Variants in NKX2-1 observed in about 807,000 individuals in gnomAD.
NKX2-1 encodes homeobox protein Nkx-2.1.
A neutral mutation model predicts 35.1 loss-of-function variants in NKX2-1; 9 were observed. The observed-to-expected ratio is 0.26, with a 90% CI of 0.15 to 0.45. The LOEUF (loss-of-function observed/expected upper bound fraction) is 0.45, where lower values mean the gene tolerates loss of function less well. Ranked by LOEUF, NKX2-1 falls within the 20% of genes least tolerant of loss-of-function variation. NKX2-1 has a pLI of 1.00. For missense variants in NKX2-1, 509 were observed against 589.1 expected (o/e 0.86, Z 1.41); for synonymous variants, 284 against 269.9 (o/e 1.05, Z -0.51).
At position 36,517,596 on chromosome 14, in the gene NKX2-1, G is replaced by A. The variant is rs1306284339; in HGVS notation, c.888C>T (p.Asp296=). The A allele has an allele frequency of 1.3e-6, 2 of 1,525,708 alleles. No homozygotes were observed. The highest frequency in any genetic ancestry group is 2.0e-5 in the Admixed American group (1 of 49,532). 94.5% of individuals were successfully genotyped at this position (1,525,708 alleles called of 1,614,324 possible). A position where few individuals can be genotyped will look rare whatever the true frequency, so the allele number is the denominator to read the frequency against. Residue 296 remains aspartate, a synonymous_variant, in exon 3 of 3, where the codon GAC becomes GAT. Coordinates refer to ENST00000354822, the MANE Select transcript of NKX2-1 (RefSeq NM_001079668.3). ...RRVAVPVLVK[D]GKPCQAGAPA... Reference sequence around the variant, plus strand: ...GGGCACCCGCCTGGCACGGTTTGCCGTCTTTCACCAGGACCGGCACCGCCA... The same window carrying A: ...GGGCACCCGCCTGGCACGGTTTGCCATCTTTCACCAGGACCGGCACCGCCA...
intron 2 of NKX2-1, 103 bp downstream of exon 2, chr14:36,518,882 C>G: frequency 1.5e-6 from 2 of 1,362,892 alleles, no homozygotes; most frequent in Non-Finnish European, 1.9e-6. Flanking sequence ...GCCGCCCTCC[C>G]TGATGCCCAG....
chr14:36,518,171 G>A, intron 2 of NKX2-1, 151 bp from the exon 3 acceptor site: 1 of 1,134,968 alleles, frequency 8.8e-7, no homozygotes, highest in Non-Finnish European at 1.2e-6. Context: ...GCCCATCCGC[G>A]GGGAACTGCC....
intron 1 of NKX2-1, 42 bp from the exon 2 acceptor site, chr14:36,519,412 G>A (rs1255693919): frequency 1.2e-6 from 2 of 1,610,744 alleles, no homozygotes; most frequent in Non-Finnish European, 8.5e-7. Context: ...GGGAGAGGGG[G>A]AAGGCGAAGC....
chr14:36,516,455 C>T lies in NKX2-1; in HGVS notation c.*823G>A. ...TAATTTATTAGAAGCTTCTTAGGAA[C>T]TATATTTAAGCCAAATATCTACATA... On this transcript the variant is annotated 3_prime_UTR_variant, in exon 3 of 3. Coordinates refer to ENST00000354822, the MANE Select transcript of NKX2-1 (RefSeq NM_001079668.3). 4.3e-6 allele frequency: 1 copy of T among 229,994 alleles called. No homozygotes were observed. Among genetic ancestry groups the T allele is most frequent in the Non-Finnish European group, 8.6e-6 (1 of 116,042 alleles). The allele number at this position is 229,994 out of a possible 1,614,324, so 14.2% of individuals were successfully genotyped here.
At position 36,516,434 on chromosome 14, in the gene NKX2-1, T is replaced by G. The variant is rs2071343110; in HGVS notation, c.*844A>C. On this transcript the variant is annotated 3_prime_UTR_variant, in exon 3 of 3. Coordinates refer to ENST00000354822, the MANE Select transcript of NKX2-1 (RefSeq NM_001079668.3). ...AAAGAATCTTTTTAATTTGTATAAT[T>G]TATTAGAAGCTTCTTAGGAACTATA... is the stretch of plus-strand genomic sequence containing the variant. 1 of 226,670 alleles carries G rather than the reference T, an allele frequency of 4.4e-6. No individual in the cohort carries two copies. Among genetic ancestry groups the G allele is most frequent in the Non-Finnish European group, 8.8e-6 (1 of 113,960 alleles). The allele number at this position is 226,670 out of a possible 1,614,324, so 14.0% of individuals were successfully genotyped here. A position where few individuals can be genotyped will look rare whatever the true frequency, so the allele number is the denominator to read the frequency against.
chr14:36,519,174 C>T lies in NKX2-1; in HGVS notation c.274G>A (p.Gly92Ser), dbSNP rs2139412166. 2 of 1,604,154 alleles carry T rather than the reference C, an allele frequency of 1.2e-6. No homozygotes were observed. Among genetic ancestry groups the T allele is most frequent in the Non-Finnish European group, 1.7e-6 (2 of 1,175,988 alleles). Residue 92 changes from glycine to serine, a missense_variant, in exon 2 of 3, where the codon GGC becomes AGC. Gly to Ser is a moderately conservative substitution (Grantham distance 56). Around this residue, in one of 5 missense-constraint regions of NKX2-1, gnomAD observed 271 missense variants for 284.1 expected, o/e 0.95. Coordinates refer to ENST00000354822, the MANE Select transcript of NKX2-1 (RefSeq NM_001079668.3). ...AMQQHAVGHH[G>S]AVTAAYHMTA... ...ATGTGGTAGGCGGCGGTGACGGCGC[C>T]GTGGTGCCCCACGGCGTGCTGCTGC...
At chr14:36,519,839 G>A (rs1881265264) in intron 1 of NKX2-1, 3 of 1,304,230 alleles carry the variant, frequency 2.3e-6, no homozygotes, top group South Asian at 1.5e-5. Context: ...TGGAGGGGAG[G>A]GGAAGGAGGA....
chr14:36,517,333 C>A lies in NKX2-1; in HGVS notation c.1151G>T (p.Gly384Val), dbSNP rs1230475526. 1 of 1,611,970 alleles carries A rather than the reference C, an allele frequency of 6.2e-7. No individual in the cohort carries two copies. The highest frequency in any genetic ancestry group is 8.5e-7 in the Non-Finnish European group (1 of 1,179,692). The stretch of plus-strand genomic sequence containing the variant: ...GCAGGACATGGTGCCGTAGTCCGAG[C>A]CCGAGGAGTTCAGGTGGGACAGGCT... ...VSSLSHLNSSGSDYGTMSCST... is the reference protein window; with the variant it reads ...VSSLSHLNSSVSDYGTMSCST... Residue 384 changes from glycine (G) to valine (V), a missense_variant, in exon 3 of 3, where the codon GGC (glycine) becomes GTC (valine). By Grantham distance (109) the Gly-to-Val change is moderately radical. Coordinates refer to ENST00000354822, the MANE Select transcript of NKX2-1 (RefSeq NM_001079668.3).
chr14:36,519,625 G>A, intron 1 of NKX2-1: 2 of 1,530,942 alleles, frequency 1.3e-6, no homozygotes, highest in South Asian at 1.2e-5. Flanking sequence ...AAAGCAACAA[G>A]ACAATAGAAG....
Position 36,517,143 on chromosome 14 carries a change from G to A in NKX2-1, c.*135C>T. 1 of 1,407,928 alleles carries A rather than the reference G, an allele frequency of 7.1e-7. No individual in the cohort carries two copies. Among genetic ancestry groups the A allele is most frequent in the Non-Finnish European group, 9.3e-7 (1 of 1,072,764 alleles). The allele number at this position is 1,407,928 out of a possible 1,614,324, so 87.2% of individuals were successfully genotyped here. On this transcript the variant is annotated 3_prime_UTR_variant, in exon 3 of 3. Coordinates refer to ENST00000354822, the MANE Select transcript of NKX2-1 (RefSeq NM_001079668.3). ...GCAGTTTGGCCTTTGTGGTTTTTTTGTTCCTTGGTCTAAACGCGGCCAGGT... is the reference window on the plus strand; with the variant it reads ...GCAGTTTGGCCTTTGTGGTTTTTTTATTCCTTGGTCTAAACGCGGCCAGGT...
rs753555178 is a variant in NKX2-1 at position 36,518,966 on chromosome 14, G to A, written c.463+19C>T. On this transcript the variant is annotated intron_variant, in intron 2 of 2. Coordinates refer to ENST00000354822, the MANE Select transcript of NKX2-1 (RefSeq NM_001079668.3). The stretch of plus-strand genomic sequence containing the variant: ...CCTGAGCTCAGCCCGCGGCCCCGCA[G>A]TGGGGCGGCCTCACTTACTGGCGGG... 1.9e-6 allele frequency: 3 copies of A among 1,556,988 alleles called. No homozygotes were observed. The highest frequency in any genetic ancestry group is 2.6e-6 in the Non-Finnish European group (3 of 1,157,868).
In NKX2-1 at chr14:36,519,185, A is replaced by G. The variant is rs1453510112; in HGVS notation, c.263T>C (p.Val88Ala). 6.2e-7 allele frequency: 1 copy of G among 1,603,364 alleles called. No homozygotes were observed. The highest frequency in any genetic ancestry group is 1.7e-5 in the Admixed American group (1 of 58,930). The part of the protein sequence containing the change: ...PPTAAMQQHA[V>A]GHHGAVTAAY... Reference sequence around the variant, plus strand: ...GGCGGTGACGGCGCCGTGGTGCCCCACGGCGTGCTGCTGCATGGCCGCTGT... The same window carrying G: ...GGCGGTGACGGCGCCGTGGTGCCCCGCGGCGTGCTGCTGCATGGCCGCTGT... The change falls in exon 2 of 3, where the codon GTG (valine) becomes GCG (alanine). Residue 88 changes from valine (V) to alanine (A), a missense_variant. Physicochemically the swap from Val to Ala is moderately conservative, Grantham distance 64 (BLOSUM62 0). Transcript: ENST00000354822.
intron 2 of NKX2-1, among the ~76,000 whole-genome samples, chr14:36,518,435 G>A (rs1211478439): frequency 6.6e-6 from 1 of 152,130 alleles, no homozygotes; most frequent in African/African-American, 2.4e-5. Flanking sequence ...AGGAGAGGGG[G>A]TGTTGACTTC....
At chr14:36,518,962 C>T (rs1170881768) in intron 2 of NKX2-1, 23 bp downstream of exon 2, 9 of 1,548,868 alleles carry the variant, frequency 5.8e-6, no homozygotes, top group Non-Finnish European at 7.8e-6. Context: ...CCCGCGGCCC[C>T]GCAGTGGGGC....
In NKX2-1 at chr14:36,517,979, C is replaced by A. The variant is rs765977828; in HGVS notation, c.505G>T (p.Gly169Cys). 12 of 1,599,298 alleles carry A rather than the reference C, an allele frequency of 7.5e-6. No individual in the cohort carries two copies. The highest frequency in any genetic ancestry group is 6.7e-5 in the Admixed American group (4 of 59,986). ...CCCAGCGAGCCCAGGCCGCCCATGC[C>A]GCTCATGTTCATGCCGCTCGCCGGG... ...MGPASGMNMSGMGGLGSLGDV... is the reference protein window; with the variant it reads ...MGPASGMNMSCMGGLGSLGDV... Residue 169 changes from glycine to cysteine, a missense_variant, in exon 3 of 3, where the codon GGC becomes TGC. Gly to Cys is a radical substitution (Grantham distance 159). This residue lies in a region of NKX2-1 where 271 missense variants were observed against 284.1 expected (regional missense o/e 0.95). Coordinates refer to ENST00000354822, the MANE Select transcript of NKX2-1 (RefSeq NM_001079668.3).
At chr14:36,519,998 G>T in intron 1 of NKX2-1, 55 bp downstream of exon 1, 1 of 1,606,008 alleles carries the variant, frequency 6.2e-7, no homozygotes, top group Non-Finnish European at 8.5e-7. Context: ...GGGGTTCCCC[G>T]GGCACGGACA....
In NKX2-1 at chr14:36,519,267, C is replaced by T. The variant is rs1881226119; in HGVS notation, c.181G>A (p.Gly61Ser). 6.2e-7 allele frequency: 1 copy of T among 1,611,874 alleles called. No individual in the cohort carries two copies. The highest frequency in any genetic ancestry group is 8.5e-7 in the Non-Finnish European group (1 of 1,179,514). The part of the protein sequence containing the change: ...EESYKKVGME[G>S]GGLGAPLAAY... ...GCCAGCGGAGCCCCGAGGCCGCCGC[C>T]CTCCATGCCCACTTTCTTGTAGCTT... Residue 61 changes from glycine to serine, a missense_variant, in exon 2 of 3, where the codon GGC (glycine) becomes AGC (serine). By Grantham distance (56) the Gly-to-Ser change is moderately conservative. This residue lies in a region of NKX2-1 where 271 missense variants were observed against 284.1 expected (regional missense o/e 0.95). Coordinates refer to ENST00000354822, the MANE Select transcript of NKX2-1 (RefSeq NM_001079668.3).
At chr14:36,518,106 G>A (rs1881133394) in intron 2 of NKX2-1, 86 bp from the exon 3 acceptor site, 10 of 1,527,060 alleles carry the variant, frequency 6.5e-6, no homozygotes, top group African/African-American at 1.4e-5. Context: ...CGCCCGGCCC[G>A]CCCCAACCGA....
Position 36,517,059 on chromosome 14 carries a change from T to C in NKX2-1, c.*219A>G. 2.3e-6 allele frequency: 2 copies of C among 879,410 alleles called. No individual in the cohort carries two copies. Among genetic ancestry groups the C allele is most frequent in the Non-Finnish European group, 3.3e-6 (2 of 610,294 alleles). The allele number at this position is 879,410 out of a possible 1,614,324, so 54.5% of individuals were successfully genotyped here. The stretch of plus-strand genomic sequence containing the variant: ...GGATGCGCTTGGTTGTTTTTCATTT[T>C]CTTTTTTTAAAAAAAAAAACCCACA... On this transcript the variant is annotated 3_prime_UTR_variant, in exon 3 of 3. Transcript: ENST00000354822.
Sources: allele counts gnomAD v4.1 joint callset (sites outside exome capture counted in the v4.1 genomes callset), GRCh38; gene constraint gnomAD v4.1.1; regional missense constraint gnomAD v4.1.1; transcripts MANE v1.5; gene names NCBI Gene and HGNC (gene_info 2026-07-23, HGNC 2026-07-21).